The following LIMK2 variants were observed in gnomAD, a reference collection of about 807,000 sequenced individuals.
LIMK2 encodes LIM domain kinase 2.
Under a neutral mutation model 75.7 loss-of-function variants are expected in LIMK2, and 35 were observed. That is an observed-to-expected ratio of 0.46 (90% CI 0.35 to 0.61). The LOEUF (loss-of-function observed/expected upper bound fraction) is 0.61, where lower values mean the gene tolerates loss of function less well. Ranked by LOEUF, LIMK2 falls within the 20% of genes least tolerant of loss-of-function variation. LIMK2 has a pLI of 0.00. For missense variants in LIMK2, 623 were observed against 831.0 expected (o/e 0.75, Z 3.08); for synonymous variants, 301 against 319.2 (o/e 0.94, Z 0.61).
chr22:31,248,814 G>A (rs1464196121), intron 2 of LIMK2: 8 of 1,595,644 alleles, frequency 5.0e-6, no homozygotes, highest in African/African-American at 4.0e-5. Flanking sequence ...CCTGGCCCCT[G>A]GTCCTGAGAG....
Position 31,241,983 on chromosome 22 carries a change from A to G in LIMK2, c.116+16164A>G, listed in dbSNP as rs552384662. Among the ~76,000 whole-genome samples the G allele has an allele frequency of 6.6e-5, 10 of 152,306 alleles. No homozygotes were observed. In the South Asian group the frequency reaches 2.1e-3, roughly 32 times the overall value. On this transcript the variant is annotated intron_variant, in intron 2 of 15. Coordinates refer to ENST00000331728, the MANE Select transcript of LIMK2 (RefSeq NM_005569.4). Reference sequence around the variant, plus strand: ...GAAAAGTTTTCTGAGCTCAAATCCCATGCCCTTTCCTCAATGTGAGCTCTA... The same window carrying G: ...GAAAAGTTTTCTGAGCTCAAATCCCGTGCCCTTTCCTCAATGTGAGCTCTA...
Position 31,254,716 on chromosome 22 carries a change from C to T in LIMK2, c.117-3575C>T, listed in dbSNP as rs139306194. Among the ~76,000 whole-genome samples, 424 of 152,172 alleles carry T rather than the reference C, an allele frequency of 2.8e-3. 1 individual carries two copies. The highest frequency in any genetic ancestry group is 3.4e-3 in the Middle Eastern group (1 of 294). On this transcript the variant is annotated intron_variant, in intron 2 of 15. Coordinates refer to ENST00000331728, the MANE Select transcript of LIMK2 (RefSeq NM_005569.4). ...GCTCACACCTGTAATCGCAGCACTT[C>T]GGGAGGCCAAGGCGGGCAGATCACT...
At chr22:31,275,602 G>A (rs537676491) in intron 15 of LIMK2, 10 of 327,852 alleles carry the variant, frequency 3.1e-5, no homozygotes, top group Admixed American at 1.4e-4. Flanking sequence ...TTCATCTTTC[G>A]ATATTCCCCT....
At chr22:31,260,393 G>A (rs2048826796) in intron 5 of LIMK2, among the ~76,000 whole-genome samples, 1 of 152,330 alleles carries the variant, frequency 6.6e-6, no homozygotes, top group South Asian at 2.1e-4. Flanking sequence ...CCCTCCACTA[G>A]AATGTAAATT....
chr22:31,247,184 G>A (rs2048678901), intron 2 of LIMK2, among the ~76,000 whole-genome samples: 1 of 152,118 alleles, frequency 6.6e-6, no homozygotes, highest in Non-Finnish European at 1.5e-5. Context: ...GAGAGCTGAT[G>A]TCACTGCCCC....
At position 31,259,872 on chromosome 22, in the gene LIMK2, C is replaced by G. The variant is rs773316496; in HGVS notation, c.363-17C>G. The G allele has an allele frequency of 1.2e-5, 19 of 1,596,330 alleles. No individual in the cohort carries two copies. Among genetic ancestry groups the G allele is most frequent in the Admixed American group, 5.5e-5 (3 of 55,040 alleles). On this transcript the variant is annotated splice_polypyrimidine_tract_variant and intron_variant, in intron 4 of 15. Transcript: ENST00000331728. ...TGGGACTCTAGCATCTTATTCCCCC[C>G]TGTGCCCTCTCCCCAGTGGGAAGTG...
At chr22:31,254,865 G>A (rs1415669188) in intron 2 of LIMK2, among the ~76,000 whole-genome samples, 1 of 152,064 alleles carries the variant, frequency 6.6e-6, no homozygotes, top group African/African-American at 2.4e-5. Context: ...AGGCTGAGGT[G>A]GGAAAATCAC....
At chr22:31,242,365 T>C (rs1474319353) in intron 2 of LIMK2, among the ~76,000 whole-genome samples, 1 of 152,212 alleles carries the variant, frequency 6.6e-6, no homozygotes, top group Non-Finnish European at 1.5e-5. Flanking sequence ...TTTTTCCTCC[T>C]TTTTGAAAAC....
intron 2 of LIMK2, among the ~76,000 whole-genome samples, chr22:31,240,076 T>C (rs1371881274): frequency 2.6e-5 from 4 of 152,144 alleles, no homozygotes; most frequent in African/African-American, 7.2e-5. Context: ...TTTTCATTTT[T>C]CCCCCAAAAG....
intron 2 of LIMK2, among the ~76,000 whole-genome samples, chr22:31,243,184 A>C (rs2048638046): frequency 6.6e-6 from 1 of 152,166 alleles, no homozygotes; most frequent in South Asian, 2.1e-4. Flanking sequence ...AGCCTCCCAA[A>C]GTGCTGGGAT....
intron 1 of LIMK2, 138 bp downstream of exon 1, chr22:31,212,562 G>A: frequency 1.2e-6 from 1 of 821,328 alleles, no homozygotes; most frequent in African/African-American, 1.8e-5. Context: ...GAAAAGCTGG[G>A]AGGCGGGGTG....
intron 15 of LIMK2, among the ~76,000 whole-genome samples, chr22:31,276,574 C>T (rs2049021878): frequency 6.9e-6 from 1 of 145,646 alleles, no homozygotes; most frequent in African/African-American, 2.5e-5. Flanking sequence ...CCCCGGGCGC[C>T]CCCGCCGCCG....
chr22:31,272,510 C>T lies in LIMK2; in HGVS notation c.1384-20C>T, dbSNP rs752453006. The stretch of plus-strand genomic sequence containing the variant: ...TGAGAACATCCCCATGAAGTCCTGA[C>T]CTGTCTTTTATCCTACCAGGACAAG... On this transcript the variant is annotated intron_variant, in intron 12 of 15. Coordinates refer to ENST00000331728, the MANE Select transcript of LIMK2 (RefSeq NM_005569.4). The T allele has an allele frequency of 1.3e-6, 2 of 1,597,900 alleles. No homozygotes were observed. The highest frequency in any genetic ancestry group is 1.7e-6 in the Non-Finnish European group (2 of 1,172,934).
rs1048312586 is a variant in LIMK2, at chr22:31,222,312, C to T, written c.17-3408C>T. On this transcript the variant is annotated intron_variant, in intron 1 of 15. Transcript: ENST00000331728. ...TCTCAAATTCCCGACCTCAGGTGAT[C>T]CACCCGCCTCAGCCTCCCAAAGTAC... Among the ~76,000 whole-genome samples, 15 of 150,622 alleles carry T rather than the reference C, an allele frequency of 1.0e-4. No individual in the cohort carries two copies. In the South Asian group the frequency reaches 3.1e-3, roughly 31 times the overall value.
At position 31,262,846 on chromosome 22, in the gene LIMK2, C is replaced by A; in HGVS notation, c.854+55C>A. 7.0e-7 allele frequency: 1 copy of A among 1,420,966 alleles called. No homozygotes were observed. Among genetic ancestry groups the A allele is most frequent in the Non-Finnish European group, 9.4e-7 (1 of 1,063,628 alleles). 88.0% of individuals were successfully genotyped at this position (1,420,966 alleles called of 1,614,324 possible). Reference sequence around the variant, plus strand: ...TCCTATGTCTGTCTCTCGGATGAAGCTGAGCTGGCTTTCAGAAGCCTGCAG... The same window carrying A: ...TCCTATGTCTGTCTCTCGGATGAAGATGAGCTGGCTTTCAGAAGCCTGCAG... On this transcript the variant is annotated intron_variant, in intron 7 of 15. Coordinates refer to ENST00000331728, the MANE Select transcript of LIMK2 (RefSeq NM_005569.4). The surrounding 1 kb of genome is among the most constrained non-coding windows in gnomAD (Gnocchi z 5.0).
At chr22:31,274,645 C>T (rs1186222329) in intron 14 of LIMK2, among the ~76,000 whole-genome samples, 15 of 152,198 alleles carry the variant, frequency 9.9e-5, no homozygotes, top group Admixed American at 9.8e-4. Context: ...AGGTGATCCA[C>T]CCGCTTCAGC....
At chr22:31,219,881 A>G (rs868056700) in intron 1 of LIMK2, among the ~76,000 whole-genome samples, 1 of 152,120 alleles carries the variant, frequency 6.6e-6, no homozygotes, top group Non-Finnish European at 1.5e-5. Context: ...TCTTTTCTGG[A>G]CTCTTAACAA....
intron 1 of LIMK2, among the ~76,000 whole-genome samples, chr22:31,216,207 G>T (rs546552366): frequency 6.6e-5 from 10 of 152,306 alleles, no homozygotes; most frequent in African/African-American, 2.4e-4. Flanking sequence ...TCTTGAAGTG[G>T]GTAAGACTTG....
chr22:31,222,592 C>T (rs2048444987), intron 1 of LIMK2, among the ~76,000 whole-genome samples: 1 of 151,890 alleles, frequency 6.6e-6, no homozygotes, highest in Admixed American at 6.6e-5. Context: ...CCAGGCTGGT[C>T]TCAAACTCCT....
Sources: gnomAD v4.1 joint callset for allele counts (sites outside exome capture counted in the v4.1 genomes callset) on GRCh38, gnomAD v4.1.1 for gene constraint, Gnocchi (gnomAD v3.1) non-coding constraint, MANE v1.5 for transcripts, NCBI Gene and HGNC (gene_info 2026-07-23, HGNC 2026-07-21) for gene names.